Variants in SH3GL2 observed in about 807,000 individuals in gnomAD.
SH3GL2 encodes SH3 domain containing GRB2 like 2, endophilin A1, also known as endophilin-A1.
Under a neutral mutation model 46.0 loss-of-function variants are expected in SH3GL2, and 24 were observed. The ratio of observed to expected loss-of-function variants is 0.52; its 90% CI spans 0.38 to 0.73. The LOEUF is 0.73. SH3GL2 is among the 30% of genes least tolerant of loss of function. The pLI is 0.00. For synonymous variants in SH3GL2, 196 were observed against 147.1 expected (o/e 1.33, Z -2.40); for missense variants, 413 against 424.2 (o/e 0.97, Z 0.23).
chr9:17,598,599 C>T (rs887843885), intron 1 of SH3GL2, among the ~76,000 whole-genome samples: 3 of 152,196 alleles, frequency 2.0e-5, no homozygotes, highest in Non-Finnish European at 4.4e-5. Flanking sequence ...TCCCACTCAT[C>T]CTTTAGGCCT....
chr9:17,628,205 G>A (rs1444905906), intron 1 of SH3GL2, among the ~76,000 whole-genome samples: 2 of 152,124 alleles, frequency 1.3e-5, no homozygotes, highest in Non-Finnish European at 2.9e-5. Context: ...TGGATCAGAC[G>A]TTTAGCATTG....
chr9:17,631,464 A>G (rs964245882), intron 1 of SH3GL2, among the ~76,000 whole-genome samples: 4 of 152,148 alleles, frequency 2.6e-5, no homozygotes, highest in African/African-American at 9.7e-5. Flanking sequence ...CTTTATTGTA[A>G]TGTAAACCCA....
chr9:17,761,558 G>A lies in SH3GL2; in HGVS notation c.187+49G>A, dbSNP rs539006179. On this transcript the variant is annotated intron_variant, in intron 3 of 8. Transcript: ENST00000380607. The stretch of plus-strand genomic sequence containing the variant: ...AAAGGATCCCTCGAGGTAACTTTTA[G>A]TTTCTCTTTGATAGACATTTTAAGT... The A allele has an allele frequency of 4.6e-6, 5 of 1,098,552 alleles. 1 individual carries two copies. The African/African-American group carries it at 6.1e-5, about 13-fold the overall frequency. 68.1% of individuals were successfully genotyped at this position (1,098,552 alleles called of 1,614,324 possible). A position where few individuals can be genotyped will look rare whatever the true frequency, so the allele number is the denominator to read the frequency against.
intron 1 of SH3GL2, among the ~76,000 whole-genome samples, chr9:17,681,319 C>T (rs867911751): frequency 6.6e-6 from 1 of 152,104 alleles, no homozygotes; most frequent in Non-Finnish European, 1.5e-5. Context: ...TACAGTGTTA[C>T]CAATTAATGC....
At chr9:17,786,734 C>A (rs1823968942) in intron 4 of SH3GL2, among the ~76,000 whole-genome samples, 1 of 152,102 alleles carries the variant, frequency 6.6e-6, no homozygotes, top group African/African-American at 2.4e-5. Context: ...ACCCCCCCCA[C>A]TATAAGACCT....
intron 1 of SH3GL2, among the ~76,000 whole-genome samples, chr9:17,741,942 T>C (rs1407420086): frequency 1.3e-5 from 2 of 151,910 alleles, no homozygotes; most frequent in African/African-American, 2.4e-5. Flanking sequence ...TTTTTGGCAA[T>C]TGGTAGAATT....
Position 17,791,345 on chromosome 9 carries a change from G to C in SH3GL2, c.728+11G>C, listed in dbSNP as rs377485158. On this transcript the variant is annotated intron_variant, in intron 7 of 8. Coordinates refer to ENST00000380607, the MANE Select transcript of SH3GL2 (RefSeq NM_003026.5). ...CAGACTGGAAGAAAGGTATTCTACA[G>C]TTCCCTGCATTTCACATTTGCATTT... 27 of 1,529,824 alleles carry C rather than the reference G, an allele frequency of 1.8e-5. No homozygotes were observed. Among genetic ancestry groups the C allele is most frequent in the Non-Finnish European group, 2.4e-5 (26 of 1,103,496 alleles). The allele number at this position is 1,529,824 out of a possible 1,614,324, so 94.8% of individuals were successfully genotyped here.
At chr9:17,643,484 C>T (rs533041293) in intron 1 of SH3GL2, among the ~76,000 whole-genome samples, 36 of 152,118 alleles carry the variant, frequency 2.4e-4, no homozygotes, top group Non-Finnish European at 4.4e-4. Context: ...AGCTTTTGCC[C>T]ATTCAGTATG....
chr9:17,675,827 C>G (rs1263972142), intron 1 of SH3GL2, among the ~76,000 whole-genome samples: 2 of 152,200 alleles, frequency 1.3e-5, no homozygotes, highest in East Asian at 3.8e-4. Context: ...TGCCTGTAAT[C>G]CCAGCTACTG....
At chr9:17,738,659 G>GAGAGAGAA (rs1822432703) in intron 1 of SH3GL2, among the ~76,000 whole-genome samples, 2 of 136,454 alleles carry the variant, frequency 1.5e-5, no homozygotes. Flanking sequence ...GAGAGAGAGA[G>GAGAGAGAA]AGAGAGAGAG....
chr9:17,791,480 ATTTTG>A, intron 7 of SH3GL2, 146 bp downstream of exon 7: 1 of 623,656 alleles, frequency 1.6e-6, no homozygotes, highest in East Asian at 2.8e-5. Flanking sequence ...GATTGTTTTG[ATTTTG>A]TTTTTTCTTG....
chr9:17,746,971 A>G, intron 1 of SH3GL2, 95 bp from the exon 2 acceptor site: 1 of 776,628 alleles, frequency 1.3e-6, no homozygotes, highest in Non-Finnish European at 2.1e-6. Flanking sequence ...TTGTGAGATT[A>G]CATTAGATGA....
At chr9:17,728,814 T>A (rs144547505) in intron 1 of SH3GL2, among the ~76,000 whole-genome samples, 2,979 of 152,336 alleles carry the variant, frequency 0.02, 39 homozygotes, top group Middle Eastern at 0.037. Context: ...CTCATTATTT[T>A]TTATGGCTGC....
chr9:17,646,494 T>A (rs1379578757), intron 1 of SH3GL2, among the ~76,000 whole-genome samples: 2 of 152,194 alleles, frequency 1.3e-5, no homozygotes, highest in East Asian at 3.9e-4. Context: ...GCGCTGGTTT[T>A]CCCTCATCTT....
chr9:17,743,956 ATCACAGG>A (rs1190379877), intron 1 of SH3GL2, among the ~76,000 whole-genome samples: 1 of 152,214 alleles, frequency 6.6e-6, no homozygotes, highest in Admixed American at 6.5e-5. Context: ...GAAATTAAAT[ATCACAGG>A]TCACAGGTCA....
chr9:17,685,462 A>G (rs1820878031), intron 1 of SH3GL2, among the ~76,000 whole-genome samples: 1 of 152,130 alleles, frequency 6.6e-6, no homozygotes, highest in Admixed American at 6.6e-5. Context: ...ATTAATGCTT[A>G]ATTGAATAAC....
chr9:17,737,749 G>A (rs1238575031), intron 1 of SH3GL2, among the ~76,000 whole-genome samples: 1 of 152,010 alleles, frequency 6.6e-6, no homozygotes, highest in Admixed American at 6.6e-5. Flanking sequence ...GATGCTCAGG[G>A]TTCCTTCCTT....
intron 1 of SH3GL2, 61 bp from the exon 2 acceptor site, chr9:17,747,005 T>A (rs1822707818): frequency 6.0e-6 from 7 of 1,161,858 alleles, no homozygotes; most frequent in Non-Finnish European, 8.9e-6. Flanking sequence ...GCTTAAAATT[T>A]CTAACACATT....
chr9:17,795,582 G>A lies in SH3GL2; in HGVS notation c.898G>A (p.Asp300Asn), dbSNP rs139383722. ...MDQPCCRALY[D>N]FEPENEGELG... ...TCAGCCCTGCTGCCGAGCTCTGTAC[G>A]ACTTTGAACCTGAAAATGAAGGGGA... Residue 300 changes from aspartate (D) to asparagine (N), a missense_variant, in exon 9 of 9, where the codon GAC becomes AAC. Transcript: ENST00000380607. 92 of 1,613,896 alleles carry A rather than the reference G, an allele frequency of 5.7e-5. No individual in the cohort carries two copies. Among genetic ancestry groups the A allele is most frequent in the Admixed American group, 2.7e-4 (16 of 59,988 alleles).
Sources: gnomAD v4.1 joint callset for allele counts (sites outside exome capture counted in the v4.1 genomes callset) on GRCh38, gnomAD v4.1.1 for gene constraint, MANE v1.5 for transcripts, NCBI Gene and HGNC (gene_info 2026-07-23, HGNC 2026-07-21) for gene names.